ANO10: variants seen among roughly 807,000 people sequenced by gnomAD.
ANO10 encodes anoctamin 10.
In ANO10, 77 loss-of-function variants were observed where a neutral mutation model predicts 74.7. That is an observed-to-expected ratio of 1.03 (90% CI 0.86 to 1.25). ANO10 has a LOEUF of 1.25. Among genes scored for constraint, ANO10 ranks in the 50% most tolerant of loss-of-function variants. The pLI is 0.00. For missense variants in ANO10, 721 were observed against 778.1 expected, an observed-to-expected ratio of 0.93 and a Z score of 0.87; for synonymous variants, 279 against 284.9, an observed-to-expected ratio of 0.98 and a Z score of 0.21.
chr3:43,661,291 T>C (rs1275331463), intron 1 of ANO10, among the ~76,000 whole-genome samples: 1 of 152,208 alleles, frequency 6.6e-6, no homozygotes, highest in Admixed American at 6.5e-5. Flanking sequence ...CAGGATTTCA[T>C]ATCCAGCCCA....
intron 1 of ANO10, among the ~76,000 whole-genome samples, chr3:43,647,958 C>T (rs1245051895): frequency 6.6e-6 from 1 of 152,112 alleles, no homozygotes; most frequent in Non-Finnish European, 1.5e-5. Context: ...ATTAAAGGCC[C>T]TCATCTCTCT....
At chr3:43,496,132 C>T (rs531779118) in intron 11 of ANO10, among the ~76,000 whole-genome samples, 1 of 152,192 alleles carries the variant, frequency 6.6e-6, no homozygotes, top group Admixed American at 6.5e-5. Flanking sequence ...CTCTTTGATC[C>T]AGCAATCCTG....
At chr3:43,539,328 C>G (rs964311528) in intron 11 of ANO10, among the ~76,000 whole-genome samples, 9 of 152,094 alleles carry the variant, frequency 5.9e-5, no homozygotes, top group Non-Finnish European at 1.2e-4. Context: ...TCTAAAGCAA[C>G]ACTTGCTTTC....
At chr3:43,503,829 A>T (rs1436176879) in intron 11 of ANO10, among the ~76,000 whole-genome samples, 1 of 152,164 alleles carries the variant, frequency 6.6e-6, no homozygotes, top group Non-Finnish European at 1.5e-5. Flanking sequence ...TTATCCTATT[A>T]AAAACTGCAT....
chr3:43,549,205 C>G (rs188417922), intron 11 of ANO10, among the ~76,000 whole-genome samples: 22 of 151,974 alleles, frequency 1.4e-4, no homozygotes, highest in African/African-American at 4.8e-4. Context: ...AGGGCTCAGT[C>G]AATCCTCCTG....
In ANO10 at chr3:43,593,184, T is replaced by G. The variant is rs2081889539; in HGVS notation, c.472+5348A>C. 5.3e-5 allele frequency among the ~76,000 whole-genome samples: 8 copies of G among 152,212 alleles called. No individual in the cohort carries two copies. In the South Asian group the frequency reaches 1.7e-3, roughly 32 times the overall value. On this transcript the variant is annotated intron_variant, in intron 4 of 12. Coordinates refer to ENST00000292246, the MANE Select transcript of ANO10 (RefSeq NM_018075.5). ...GAATGGAAACAAGTTGGAAACACTC[T>G]TCAGGATATTATCCAAGAGAACTTC...
chr3:43,627,242 G>A (rs2083501566), intron 1 of ANO10, among the ~76,000 whole-genome samples: 1 of 152,252 alleles, frequency 6.6e-6, no homozygotes, highest in East Asian at 1.9e-4. Context: ...AGAAATCACT[G>A]TGTGTATTTT....
chr3:43,515,164 A>G (rs572750780), intron 11 of ANO10, among the ~76,000 whole-genome samples: 3 of 152,338 alleles, frequency 2.0e-5, no homozygotes, highest in South Asian at 4.1e-4. Flanking sequence ...TTACATGTCA[A>G]CTTGACTGAG....
intron 7 of ANO10, among the ~76,000 whole-genome samples, chr3:43,571,069 A>C (rs2080683217): frequency 6.6e-6 from 1 of 151,770 alleles, no homozygotes; most frequent in African/African-American, 2.4e-5. Context: ...ACGCAGCCAA[A>C]AAACACATGA....
At chr3:43,497,034 G>C (rs1289385040) in intron 11 of ANO10, among the ~76,000 whole-genome samples, 1 of 152,178 alleles carries the variant, frequency 6.6e-6, no homozygotes, top group Non-Finnish European at 1.5e-5. Context: ...TAGGGGATGG[G>C]ACTGGGTTAG....
At chr3:43,685,917 C>T (rs1343580055) in intron 1 of ANO10, among the ~76,000 whole-genome samples, 11 of 152,182 alleles carry the variant, frequency 7.2e-5, no homozygotes, top group South Asian at 2.1e-4. Context: ...TTTTTTCACA[C>T]GATGTCTTAG....
At chr3:43,580,220 TC>T in intron 5 of ANO10, 132 bp downstream of exon 5, 1 of 1,220,584 alleles carries the variant, frequency 8.2e-7, no homozygotes, top group Admixed American at 1.7e-5. Flanking sequence ...CAAAATGTTT[TC>T]CCACATGTAG....
intron 10 of ANO10, among the ~76,000 whole-genome samples, chr3:43,552,201 T>G (rs2079495001): frequency 6.6e-6 from 1 of 152,162 alleles, no homozygotes; most frequent in South Asian, 2.1e-4. Flanking sequence ...TACCTCCCTC[T>G]ACCATCTGTT....
At chr3:43,596,402 T>C (rs1435205878) in intron 4 of ANO10, among the ~76,000 whole-genome samples, 1 of 152,120 alleles carries the variant, frequency 6.6e-6, no homozygotes, top group Non-Finnish European at 1.5e-5. Flanking sequence ...ATGGTACTGG[T>C]ACCAAAACAG....
chr3:43,601,218 G>C (rs2082324315), intron 2 of ANO10, among the ~76,000 whole-genome samples: 1 of 152,054 alleles, frequency 6.6e-6, no homozygotes, highest in South Asian at 2.1e-4. Context: ...ATTTTTGTTT[G>C]TTTTTGAGAC....
At chr3:43,535,124 C>A (rs568675894) in intron 11 of ANO10, among the ~76,000 whole-genome samples, 2 of 152,088 alleles carry the variant, frequency 1.3e-5, no homozygotes, top group East Asian at 1.9e-4. Flanking sequence ...CAGGAGTGCA[C>A]CACCACACCC....
At chr3:43,391,292 AG>A (rs1199607678) in intron 12 of ANO10, among the ~76,000 whole-genome samples, 1 of 152,244 alleles carries the variant, frequency 6.6e-6, no homozygotes, top group African/African-American at 2.4e-5. Context: ...ACAGACGGGA[AG>A]TTCTAAAGTA....
In ANO10 at chr3:43,576,797, C is replaced by CA; in HGVS notation, c.1056dup (p.Glu353Ter). 3.1e-6 allele frequency: 5 copies of CA among 1,614,190 alleles called. No homozygotes were observed. Among genetic ancestry groups the CA allele is most frequent in the Non-Finnish European group, 4.2e-6 (5 of 1,180,026 alleles). On this transcript the variant is annotated frameshift_variant, in exon 6 of 13. Transcript: ENST00000292246. LOFTEE classifies it high-confidence loss of function. ...ACATACAACAGGACACTGGTCCACT[C>CA]AGACCCGCTGTTCTCATGTAGACCC... is the stretch of plus-strand genomic sequence containing the variant.
chr3:43,636,653 C>A (rs553720696), intron 1 of ANO10: 65 of 152,258 alleles, frequency 4.3e-4, no homozygotes, highest in African/African-American at 1.1e-3. Context: ...TAATTATACA[C>A]AATGAATTTA....
Sources: gnomAD v4.1 joint callset for allele counts (sites outside exome capture counted in the v4.1 genomes callset) on GRCh38, gnomAD v4.1.1 for gene constraint, MANE v1.5 for transcripts, NCBI Gene and HGNC (gene_info 2026-07-23, HGNC 2026-07-21) for gene names.